ZNF423: variants seen among roughly 807,000 people sequenced by gnomAD.
The protein encoded by ZNF423 is Ebf-associated zinc finger protein.
Under a neutral mutation model 95.8 loss-of-function variants are expected in ZNF423, and 12 were observed. That is an observed-to-expected ratio of 0.13 (90% confidence interval 0.08 to 0.20). The LOEUF (loss-of-function observed/expected upper bound fraction) is 0.20. Ranked by LOEUF, ZNF423 falls within the 10% of genes least tolerant of loss-of-function variation. The probability of loss-of-function intolerance (pLI) is 1.00; values close to 1 mark genes in which losing one functional copy is unlikely to be tolerated. For missense variants in ZNF423, 1,316 were observed against 1,737.1 expected (o/e 0.76, Z 4.31); for synonymous variants, 749 against 711.9 (o/e 1.05, Z -0.83).
chr16:49,766,752 G>A (rs1000048336), intron 2 of ZNF423, among the ~76,000 whole-genome samples: 5 of 152,198 alleles, frequency 3.3e-5, no homozygotes, highest in South Asian at 2.1e-4. Context: ...ACCGAGCCTC[G>A]GTCCCTCAGA....
chr16:49,732,533 C>T (rs900301285), intron 2 of ZNF423, among the ~76,000 whole-genome samples: 6 of 152,174 alleles, frequency 3.9e-5, no homozygotes, highest in African/African-American at 7.2e-5. Context: ...TTTTTGAAAG[C>T]ATATGTACAT....
At chr16:49,750,132 G>C (rs944170857) in intron 2 of ZNF423, among the ~76,000 whole-genome samples, 2 of 152,206 alleles carry the variant, frequency 1.3e-5, no homozygotes, top group Non-Finnish European at 2.9e-5. Flanking sequence ...GCTGCTGCTC[G>C]GGGTGAGTCA....
chr16:49,724,052 C>G (rs1255650894), intron 3 of ZNF423, among the ~76,000 whole-genome samples: 2 of 152,130 alleles, frequency 1.3e-5, no homozygotes, highest in South Asian at 4.2e-4. Flanking sequence ...CAAATCTTAC[C>G]ATTGCTTTCA....
At chr16:49,642,306 A>G (rs1385790882) in intron 3 of ZNF423, among the ~76,000 whole-genome samples, 1 of 152,130 alleles carries the variant, frequency 6.6e-6, no homozygotes, top group Non-Finnish European at 1.5e-5. Flanking sequence ...GCCAAACTTC[A>G]TCCTGTAGGA....
intron 5 of ZNF423, among the ~76,000 whole-genome samples, chr16:49,555,006 G>T (rs1969773592): frequency 6.6e-6 from 1 of 152,018 alleles, no homozygotes; most frequent in South Asian, 2.1e-4. Flanking sequence ...GGTCAAGATG[G>T]AAACTGGGAT....
chr16:49,827,597 C>G (rs373183674), intron 1 of ZNF423, among the ~76,000 whole-genome samples: 2 of 151,966 alleles, frequency 1.3e-5, no homozygotes, highest in African/African-American at 2.4e-5. Context: ...TTTACTGAAG[C>G]CTTGAGCTCC....
At chr16:49,827,744 C>T (rs1449688445) in intron 1 of ZNF423, among the ~76,000 whole-genome samples, 1 of 152,164 alleles carries the variant, frequency 6.6e-6, no homozygotes, top group African/African-American at 2.4e-5. Context: ...TCTCACACTT[C>T]AGGCTTCAAA....
chr16:49,501,254 T>A (rs1967387292), intron 7 of ZNF423, among the ~76,000 whole-genome samples: 1 of 152,196 alleles, frequency 6.6e-6, no homozygotes, highest in South Asian at 2.1e-4. Flanking sequence ...GGGGTCTGTG[T>A]CAGCCCCAAG....
intron 1 of ZNF423, among the ~76,000 whole-genome samples, chr16:49,815,724 G>A (rs1371592379): frequency 4.0e-5 from 6 of 151,474 alleles, no homozygotes; most frequent in Non-Finnish European, 8.8e-5. Context: ...AACAGAGCAC[G>A]CAGGCTTGGG....
chr16:49,781,613 C>T (rs932941359), intron 2 of ZNF423, among the ~76,000 whole-genome samples: 8 of 152,174 alleles, frequency 5.3e-5, no homozygotes, highest in Non-Finnish European at 8.8e-5. Context: ...GAGGCAGCTC[C>T]GCGTGGTTCA....
chr16:49,731,106 G>T, intron 2 of ZNF423, 135 bp from the exon 3 acceptor site: 1 of 1,019,260 alleles, frequency 9.8e-7, no homozygotes, highest in Non-Finnish European at 1.4e-6. Context: ...ACACCTCTCA[G>T]TATATTAATA....
intron 7 of ZNF423, among the ~76,000 whole-genome samples, chr16:49,508,370 G>A (rs4785314): frequency 0.39 from 59,553 of 151,578 alleles, 11,903 homozygotes; most frequent in African/African-American, 0.46. Flanking sequence ...AAATAAAAAC[G>A]TTAGCTGGGT....
chr16:49,679,374 C>T (rs2031255409), intron 3 of ZNF423, among the ~76,000 whole-genome samples: 1 of 152,248 alleles, frequency 6.6e-6, no homozygotes, highest in Non-Finnish European at 1.5e-5. Flanking sequence ...AGCCACCTAG[C>T]TCTTGGGAGC....
chr16:49,691,201 C>T (rs1443196588), intron 3 of ZNF423, among the ~76,000 whole-genome samples: 3 of 152,256 alleles, frequency 2.0e-5, no homozygotes, highest in African/African-American at 4.8e-5. Context: ...TTCTGATCTT[C>T]GAAGTTTCCA....
At position 49,523,671 on chromosome 16, in the gene ZNF423, C is replaced by A; in HGVS notation, c.3802G>T (p.Asp1268Tyr). ...AVHGQEDKIY[D>Y]CSQCPQKFFF... Reference sequence around the variant, plus strand: ...AACTTCTGAGGGCACTGTGAGCAGTCGTAGATCTTGTCCTCCTGCCCGTGC... The same window carrying A: ...AACTTCTGAGGGCACTGTGAGCAGTAGTAGATCTTGTCCTCCTGCCCGTGC... The change falls in exon 7 of 8, where the codon GAC (aspartate) becomes TAC (tyrosine). Residue 1268 changes from aspartate (D) to tyrosine (Y), a missense_variant. Physicochemically the swap from Asp to Tyr is radical, Grantham distance 160. Coordinates refer to ENST00000563137, the MANE Select transcript of ZNF423 (RefSeq NM_001379286.1). 3 of 1,614,150 alleles carry A rather than the reference C, an allele frequency of 1.9e-6. No homozygotes were observed. Among genetic ancestry groups the A allele is most frequent in the Non-Finnish European group, 2.5e-6 (3 of 1,180,018 alleles).
At chr16:49,522,103 G>A (rs748350077) in intron 7 of ZNF423, among the ~76,000 whole-genome samples, 1 of 152,198 alleles carries the variant, frequency 6.6e-6, no homozygotes, top group Non-Finnish European at 1.5e-5. Flanking sequence ...GTATGTGGGA[G>A]ATTGCTGCAT....
intron 2 of ZNF423, among the ~76,000 whole-genome samples, chr16:49,742,613 G>A (rs1285880245): frequency 6.6e-6 from 1 of 152,072 alleles, no homozygotes; most frequent in Non-Finnish European, 1.5e-5. Context: ...TCTCTGGGAA[G>A]GGGGAGATGG....
chr16:49,576,488 C>G (rs1970506487), intron 5 of ZNF423, among the ~76,000 whole-genome samples: 1 of 152,238 alleles, frequency 6.6e-6, no homozygotes. Context: ...ACGGAGGCCA[C>G]CATGCCACTC....
intron 3 of ZNF423, among the ~76,000 whole-genome samples, chr16:49,715,277 G>A (rs1421325205): frequency 6.6e-6 from 1 of 152,232 alleles, no homozygotes; most frequent in Non-Finnish European, 1.5e-5. Context: ...AGCCGCTGCT[G>A]CAGGAGACGG....
Sources: gnomAD v4.1 joint callset for allele counts (sites outside exome capture counted in the v4.1 genomes callset) on GRCh38, gnomAD v4.1.1 for gene constraint, MANE v1.5 for transcripts, NCBI Gene and HGNC (gene_info 2026-07-23, HGNC 2026-07-21) for gene names.